Variants in CTNND2 observed in about 807,000 individuals in gnomAD.
CTNND2 encodes the protein catenin delta 2.
CTNND2 carries 22 observed loss-of-function variants against 144.4 expected under a neutral mutation model. That is an observed-to-expected ratio of 0.15 (90% CI 0.11 to 0.22). The LOEUF (loss-of-function observed/expected upper bound fraction) is 0.22. Among genes scored for constraint, CTNND2 ranks in the 10% least tolerant of loss-of-function variants. The pLI, the probability that CTNND2 is intolerant of heterozygous loss-of-function variation, is 1.00. For missense variants in CTNND2, 1,353 were observed against 1,618.8 expected (o/e 0.84, Z 2.82); for synonymous variants, 751 against 695.6 (o/e 1.08, Z -1.25).
At chr5:10,974,269 T>C (rs1736169828) in intron 21 of CTNND2, among the ~76,000 whole-genome samples, 1 of 152,204 alleles carries the variant, frequency 6.6e-6, no homozygotes, top group Non-Finnish European at 1.5e-5. Flanking sequence ...CAGACCTTGA[T>C]CCGTTTTTGT....
chr5:11,261,019 G>C (rs1207464633), intron 9 of CTNND2, among the ~76,000 whole-genome samples: 1 of 152,104 alleles, frequency 6.6e-6, no homozygotes, highest in Non-Finnish European at 1.5e-5. Context: ...GATGGGTCTG[G>C]CTCGGTGCAT....
chr5:11,332,189 C>A (rs975544937), intron 9 of CTNND2, among the ~76,000 whole-genome samples: 1 of 151,074 alleles, frequency 6.6e-6, no homozygotes, highest in African/African-American at 2.4e-5. Flanking sequence ...GCAGGAGAAT[C>A]GCTTGAACCT....
At chr5:11,074,160 G>T (rs61750306) in intron 16 of CTNND2, among the ~76,000 whole-genome samples, 1 of 152,308 alleles carries the variant, frequency 6.6e-6, no homozygotes, top group East Asian at 1.9e-4. Context: ...ACAGTGCCAC[G>T]TGATCAGTGA....
chr5:11,660,443 T>C (rs1783135006), intron 2 of CTNND2, among the ~76,000 whole-genome samples: 1 of 152,108 alleles, frequency 6.6e-6, no homozygotes, highest in African/African-American at 2.4e-5. Context: ...ACTTTGAGGC[T>C]GGTAAGATGC....
intron 18 of CTNND2, among the ~76,000 whole-genome samples, chr5:11,016,751 T>C (rs979841797): frequency 6.6e-6 from 1 of 152,110 alleles, no homozygotes; most frequent in South Asian, 2.1e-4. Context: ...TCCCCGCTTA[T>C]TGGTGATGTC....
intron 18 of CTNND2, among the ~76,000 whole-genome samples, chr5:10,994,685 C>T (rs997143044): frequency 5.9e-5 from 9 of 152,010 alleles, no homozygotes; most frequent in African/African-American, 1.7e-4. Context: ...GGAACGGCTT[C>T]GCTGGTGTGA....
intron 1 of CTNND2, among the ~76,000 whole-genome samples, chr5:11,871,852 C>T (rs1362297758): frequency 6.6e-6 from 1 of 152,092 alleles, no homozygotes; most frequent in Non-Finnish European, 1.5e-5. Context: ...GAAATGATTA[C>T]ATAGTTTTAG....
intron 3 of CTNND2, among the ~76,000 whole-genome samples, chr5:11,544,950 C>T (rs1775086571): frequency 6.6e-6 from 1 of 151,814 alleles, no homozygotes; most frequent in Non-Finnish European, 1.5e-5. Flanking sequence ...AACCCCATCC[C>T]TACTAAAAAA....
At chr5:11,145,607 T>C (rs542059688) in intron 12 of CTNND2, among the ~76,000 whole-genome samples, 2 of 151,964 alleles carry the variant, frequency 1.3e-5, no homozygotes, top group East Asian at 3.9e-4. Flanking sequence ...CTATCATGGG[T>C]CCTCTCATCC....
At position 11,514,849 on chromosome 5, in the gene CTNND2, A is replaced by C. The variant is rs187741716; in HGVS notation, c.287+50095T>G. Reference sequence around the variant, plus strand: ...ACTTAGTCCCGCTCTGTCGCCCAAGATGGAGTGCAGTGGTGCGATCGTGGC... The same window carrying C: ...ACTTAGTCCCGCTCTGTCGCCCAAGCTGGAGTGCAGTGGTGCGATCGTGGC... On this transcript the variant is annotated intron_variant, in intron 3 of 21. Coordinates refer to ENST00000304623, the MANE Select transcript of CTNND2 (RefSeq NM_001332.4). 2.3e-3 allele frequency among the ~76,000 whole-genome samples: 343 copies of C among 152,256 alleles called. 2 individuals carry two copies. Among genetic ancestry groups the C allele is most frequent in the African/African-American group, 7.8e-3 (326 of 41,554 alleles).
chr5:11,847,477 GGAA>G (rs1794803490), intron 1 of CTNND2, among the ~76,000 whole-genome samples: 1 of 151,884 alleles, frequency 6.6e-6, no homozygotes, highest in Non-Finnish European at 1.5e-5. Flanking sequence ...CCAGAGGCTG[GGAA>G]GGAGGAGGAG....
intron 9 of CTNND2, among the ~76,000 whole-genome samples, chr5:11,289,009 T>G (rs888050086): frequency 1.3e-5 from 2 of 152,150 alleles, no homozygotes; most frequent in Non-Finnish European, 2.9e-5. Context: ...AGAATCCCCA[T>G]GTGGCCTTTA....
At chr5:11,647,868 C>T (rs770557058) in intron 2 of CTNND2, among the ~76,000 whole-genome samples, 26 of 152,110 alleles carry the variant, frequency 1.7e-4, no homozygotes, top group Non-Finnish European at 3.5e-4. Flanking sequence ...GTGTATTTGC[C>T]TGTTTCCTTA....
At chr5:11,859,309 C>CTGTTAAATTTTG (rs1405308722) in intron 1 of CTNND2, among the ~76,000 whole-genome samples, 28 of 152,308 alleles carry the variant, frequency 1.8e-4, no homozygotes, top group African/African-American at 5.1e-4. Context: ...TGCACTATCA[C>CTGTTAAATTTTG]CACAGGTGTT....
chr5:11,891,929 T>G (rs1253192598), intron 1 of CTNND2, among the ~76,000 whole-genome samples: 2 of 152,194 alleles, frequency 1.3e-5, no homozygotes, highest in Non-Finnish European at 2.9e-5. Flanking sequence ...ATTTATGCCC[T>G]TAGGAAATAT....
chr5:11,382,599 GTGT>G (rs1561309336), intron 7 of CTNND2, among the ~76,000 whole-genome samples: 1 of 81,412 alleles, frequency 1.2e-5, no homozygotes, highest in Non-Finnish European at 2.8e-5. Context: ...GAGACTCTGT[GTGT>G]GTGTGTGTGT....
intron 12 of CTNND2, among the ~76,000 whole-genome samples, chr5:11,157,363 C>A (rs780088810): frequency 5.3e-5 from 8 of 152,186 alleles, no homozygotes; most frequent in East Asian, 1.9e-4. Context: ...ACTCTTCAAG[C>A]CTTTTTTGGC....
At chr5:11,738,102 C>T (rs867257232) in intron 1 of CTNND2, among the ~76,000 whole-genome samples, 39 of 152,170 alleles carry the variant, frequency 2.6e-4, no homozygotes, top group African/African-American at 9.2e-4. Context: ...GGTAAAACAT[C>T]TCTTGGTAAC....
rs1770156611 is a variant in CTNND2, at chr5:11,498,089, A to T, written c.287+66855T>A. On this transcript the variant is annotated intron_variant, in intron 3 of 21. Coordinates refer to ENST00000304623, the MANE Select transcript of CTNND2 (RefSeq NM_001332.4). ...GCCAAGAACTGGCAAATTGGAGGTCAGGCACAATGTGCATGATTGTGAGTG... is the reference window on the plus strand; with the variant it reads ...GCCAAGAACTGGCAAATTGGAGGTCTGGCACAATGTGCATGATTGTGAGTG... 2.0e-5 allele frequency among the ~76,000 whole-genome samples: 3 copies of T among 152,206 alleles called. No individual in the cohort carries two copies. In the South Asian group the frequency reaches 6.2e-4, roughly 32 times the overall value.
Sources: allele counts gnomAD v4.1 joint callset (sites outside exome capture counted in the v4.1 genomes callset), GRCh38; gene constraint gnomAD v4.1.1; transcripts MANE v1.5; gene names NCBI Gene and HGNC (gene_info 2026-07-23, HGNC 2026-07-21).